Variants in CTNNA2 observed in about 807,000 individuals in gnomAD.
The protein encoded by CTNNA2 is catenin alpha-2.
A neutral mutation model predicts 101.0 loss-of-function variants in CTNNA2; 42 were observed. That is an observed-to-expected ratio of 0.42 (90% confidence interval 0.32 to 0.54). CTNNA2 has a LOEUF of 0.54. Ranked by LOEUF, CTNNA2 falls within the 20% of genes least tolerant of loss-of-function variation. The pLI is 0.14. For synonymous variants in CTNNA2, 450 were observed against 456.4 expected (o/e 0.99, Z 0.18); for missense variants, 871 against 1,223.1 (o/e 0.71, Z 4.29).
intron 7 of CTNNA2, among the ~76,000 whole-genome samples, chr2:80,300,004 G>A (rs1006882767): frequency 3.3e-5 from 5 of 152,028 alleles, no homozygotes; most frequent in African/African-American, 4.8e-5. Flanking sequence ...AGAGGAGGTC[G>A]CTTTAGTAGG....
At chr2:79,451,422 C>T (rs893452997) in intron 4 of CTNNA2, among the ~76,000 whole-genome samples, 2 of 151,710 alleles carry the variant, frequency 1.3e-5, no homozygotes, top group African/African-American at 2.4e-5. Context: ...AGTCATTAGA[C>T]ATTTATAAAT....
intron 2 of CTNNA2, among the ~76,000 whole-genome samples, chr2:79,732,392 G>T (rs546822155): frequency 6.6e-6 from 1 of 152,150 alleles, no homozygotes; most frequent in South Asian, 2.1e-4. Flanking sequence ...AGAAAAAAGT[G>T]TGTGAAAGCC....
chr2:79,822,740 C>A (rs1678109102), intron 3 of CTNNA2, among the ~76,000 whole-genome samples: 1 of 152,152 alleles, frequency 6.6e-6, no homozygotes, highest in Admixed American at 6.6e-5. Flanking sequence ...TACACTGTAA[C>A]CAAAGGGCTC....
chr2:79,848,276 T>G (rs1680398871), intron 3 of CTNNA2, among the ~76,000 whole-genome samples: 1 of 152,210 alleles, frequency 6.6e-6, no homozygotes. Context: ...ATCTTCCCTT[T>G]ATGTGTAAAA....
intron 7 of CTNNA2, among the ~76,000 whole-genome samples, chr2:80,139,079 A>G (rs1011911892): frequency 6.6e-6 from 1 of 152,160 alleles, no homozygotes; most frequent in South Asian, 2.1e-4. Context: ...AGTGAAAAGT[A>G]TTGTTCTCAT....
At chr2:79,453,748 A>AC (rs1670781543) in intron 4 of CTNNA2, among the ~76,000 whole-genome samples, 1 of 152,138 alleles carries the variant, frequency 6.6e-6, no homozygotes, top group East Asian at 1.9e-4. Flanking sequence ...CTCCTGCTTT[A>AC]ACCCCAAGAA....
chr2:79,805,793 CT>C (rs1042267154), intron 3 of CTNNA2, among the ~76,000 whole-genome samples: 5 of 151,988 alleles, frequency 3.3e-5, no homozygotes, highest in African/African-American at 1.2e-4. Context: ...AAAAAATTAG[CT>C]GGGCATGGTG....
chr2:79,231,673 A>G (rs570197113), intron 2 of CTNNA2, among the ~76,000 whole-genome samples: 2 of 152,260 alleles, frequency 1.3e-5, no homozygotes, highest in African/African-American at 4.8e-5. Flanking sequence ...AACTCTATTA[A>G]TACTTCCAAT....
intron 3 of CTNNA2, among the ~76,000 whole-genome samples, chr2:79,351,471 C>T (rs1308569483): frequency 6.6e-6 from 1 of 151,994 alleles, no homozygotes; most frequent in Non-Finnish European, 1.5e-5. Context: ...GGTACATGTG[C>T]ATGTTTGTTG....
At chr2:79,862,331 G>A (rs1681688071) in intron 4 of CTNNA2, among the ~76,000 whole-genome samples, 1 of 151,962 alleles carries the variant, frequency 6.6e-6, no homozygotes, top group Non-Finnish European at 1.5e-5. Context: ...TGTGGGGGTG[G>A]GGGGCATTGA....
At chr2:80,138,763 C>G (rs990929489) in intron 7 of CTNNA2, among the ~76,000 whole-genome samples, 2 of 152,084 alleles carry the variant, frequency 1.3e-5, no homozygotes, top group African/African-American at 2.4e-5. Flanking sequence ...GAGACAATAC[C>G]AGTAAAGCAT....
intron 1 of CTNNA2, among the ~76,000 whole-genome samples, chr2:79,576,422 T>G (rs1675803051): frequency 6.6e-6 from 1 of 152,194 alleles, no homozygotes; most frequent in African/African-American, 2.4e-5. Context: ...CTTTTTAATT[T>G]TATCTTACCT....
In CTNNA2 at chr2:79,646,218, C is replaced by T. The variant is rs114625119; in HGVS notation, c.-5-5334C>T. On this transcript the variant is annotated intron_variant, in intron 1 of 18. Coordinates refer to ENST00000402739, the MANE Select transcript of CTNNA2 (RefSeq NM_001282597.3). ...TGCAGTGAACGATGCATTGTATTAA[C>T]ATATCTGGCATTTGAAGGCATTCCT... Among the ~76,000 whole-genome samples, 1,024 of 152,316 alleles carry T rather than the reference C, an allele frequency of 6.7e-3. 11 individuals are homozygous for T. The highest frequency in any genetic ancestry group is 0.023 in the African/African-American group (972 of 41,574).
Position 80,207,704 on chromosome 2 carries a change from G to A in CTNNA2, c.1057-185507G>A, listed in dbSNP as rs1425872068. ...AGTGAATGGTTTTATATAAGTGTTT[G>A]GAGTGTGGGAGAGGGTTTAGGGATA... On this transcript the variant is annotated intron_variant, in intron 7 of 18. Coordinates refer to ENST00000402739, the MANE Select transcript of CTNNA2 (RefSeq NM_001282597.3). 3.3e-5 allele frequency among the ~76,000 whole-genome samples: 5 copies of A among 152,276 alleles called. No individual in the cohort carries two copies. The East Asian group carries it at 9.7e-4, about 29-fold the overall frequency.
chr2:80,432,924 G>C (rs945897143), intron 9 of CTNNA2, among the ~76,000 whole-genome samples: 1 of 152,064 alleles, frequency 6.6e-6, no homozygotes, highest in African/African-American at 2.4e-5. Flanking sequence ...TATGAGAAAA[G>C]GTGCTCAGCT....
intron 4 of CTNNA2, among the ~76,000 whole-genome samples, chr2:79,377,684 A>C (rs1677993684): frequency 1.3e-5 from 2 of 152,140 alleles, no homozygotes; most frequent in South Asian, 4.1e-4. Flanking sequence ...ATTCCATTAC[A>C]AAAGAGTTGG....
At chr2:79,389,469 G>C (rs1486810153) in intron 4 of CTNNA2, among the ~76,000 whole-genome samples, 3 of 152,128 alleles carry the variant, frequency 2.0e-5, no homozygotes, top group African/African-American at 7.2e-5. Flanking sequence ...ACAAACAAAA[G>C]AAAGACTTTT....
At chr2:80,077,843 T>C (rs552003747) in intron 7 of CTNNA2, among the ~76,000 whole-genome samples, 2 of 152,316 alleles carry the variant, frequency 1.3e-5, no homozygotes, top group East Asian at 3.9e-4. Flanking sequence ...CTTGGAAAGA[T>C]GGATGTGTTC....
chr2:80,155,760 C>T (rs1013933849), intron 7 of CTNNA2, among the ~76,000 whole-genome samples: 1 of 152,004 alleles, frequency 6.6e-6, no homozygotes, highest in Admixed American at 6.5e-5. Flanking sequence ...CTATTTTGAC[C>T]CTCTCAAAAT....
Sources: allele counts gnomAD v4.1 joint callset (sites outside exome capture counted in the v4.1 genomes callset), GRCh38; gene constraint gnomAD v4.1.1; transcripts MANE v1.5; gene names NCBI Gene and HGNC (gene_info 2026-07-23, HGNC 2026-07-21).